The following MCPH1 variants were observed in gnomAD, a reference collection of about 807,000 sequenced individuals.
The protein encoded by MCPH1 is microcephalin.
A neutral mutation model predicts 84.5 loss-of-function variants in MCPH1; 104 were observed. The ratio of observed to expected loss-of-function variants is 1.23; its 90% CI spans 1.05 to 1.45. The LOEUF is 1.45. MCPH1 is among the 40% of genes most tolerant of loss of function. MCPH1 has a pLI of 0.00. For missense variants in MCPH1, 1,498 were observed against 1,005.7 expected (o/e 1.49, Z -6.62); for synonymous variants, 514 against 366.8 (o/e 1.40, Z -4.58).
At chr8:6,521,013 C>T (rs892874398) in intron 12 of MCPH1, among the ~76,000 whole-genome samples, 2 of 152,136 alleles carry the variant, frequency 1.3e-5, no homozygotes, top group Admixed American at 1.3e-4. Context: ...ATTAGTATAA[C>T]ATATATTTCC....
chr8:6,444,560 TTCAC>T lies in MCPH1; in HGVS notation c.843_846del (p.His282SerfsTer10), dbSNP rs758936956. On this transcript the variant is annotated frameshift_variant, in exon 8 of 14. Coordinates refer to ENST00000344683, the MANE Select transcript of MCPH1 (RefSeq NM_024596.5). LOFTEE classifies it high-confidence loss of function. ...AAATAATATTCATTCATCACCATCT[TTCAC>T]TCACCTCGATAAATCAAGTCCTCAG... is the stretch of plus-strand genomic sequence containing the variant. The T allele has an allele frequency of 2.6e-5, 42 of 1,614,054 alleles. No homozygotes were observed. Among genetic ancestry groups the T allele is most frequent in the Admixed American group, 1.7e-5 (1 of 60,008 alleles).
chr8:6,580,484 G>A (rs953398584), intron 12 of MCPH1, among the ~76,000 whole-genome samples: 12 of 152,014 alleles, frequency 7.9e-5, no homozygotes, highest in African/African-American at 2.7e-4. Context: ...GTGAAACCCC[G>A]TCTCTACTAA....
chr8:6,572,760 C>G (rs940060403), intron 12 of MCPH1, among the ~76,000 whole-genome samples: 3 of 152,186 alleles, frequency 2.0e-5, no homozygotes, highest in Non-Finnish European at 4.4e-5. Context: ...CCTGTTCACC[C>G]CAAGCTTACA....
chr8:6,406,911 C>G lies in MCPH1; in HGVS notation c.22+222C>G, dbSNP rs1384018052. On this transcript the variant is annotated intron_variant, in intron 1 of 13. Transcript: ENST00000344683. ...CCGCTGCCTGTCCCCCCAAAACCCCCGGCTGCCTGCTTCGTCTCCCGTGCT... is the reference window on the plus strand; with the variant it reads ...CCGCTGCCTGTCCCCCCAAAACCCCGGGCTGCCTGCTTCGTCTCCCGTGCT... Among the ~76,000 whole-genome samples, 4 of 111,118 alleles carry G rather than the reference C, an allele frequency of 3.6e-5. No individual in the cohort carries two copies. The East Asian group carries it at 1.2e-3, about 33-fold the overall frequency. The allele number at this position is 111,118 out of a possible 152,430, so 72.9% of individuals were successfully genotyped here. A position where few individuals can be genotyped will look rare whatever the true frequency, so the allele number is the denominator to read the frequency against.
chr8:6,544,628 G>A (rs1421538799), intron 12 of MCPH1, among the ~76,000 whole-genome samples: 1 of 152,046 alleles, frequency 6.6e-6, no homozygotes, highest in East Asian at 1.9e-4. Flanking sequence ...TGCACAACTT[G>A]GCCATGAAAT....
chr8:6,585,478 G>A (rs1364740568), intron 12 of MCPH1, among the ~76,000 whole-genome samples: 1 of 152,254 alleles, frequency 6.6e-6, no homozygotes, highest in Non-Finnish European at 1.5e-5. Flanking sequence ...TGCAGCTGGA[G>A]CCATTGTCGG....
intron 12 of MCPH1, among the ~76,000 whole-genome samples, chr8:6,518,477 C>G (rs887181597): frequency 6.6e-6 from 1 of 152,130 alleles, no homozygotes; most frequent in African/African-American, 2.4e-5. Context: ...TTTAACACAG[C>G]ATTAATGAAT....
chr8:6,626,130 T>G, intron 13 of MCPH1: 1 of 985,390 alleles, frequency 1.0e-6, no homozygotes, highest in Non-Finnish European at 1.2e-6. Context: ...GTGATTATTT[T>G]ACTTGTAAGA....
intron 12 of MCPH1, among the ~76,000 whole-genome samples, chr8:6,553,361 A>G (rs879445398): frequency 3.3e-5 from 5 of 152,262 alleles, no homozygotes; most frequent in Non-Finnish European, 7.3e-5. Context: ...AGATTGCACC[A>G]GTAAACCTAG....
intron 12 of MCPH1, among the ~76,000 whole-genome samples, chr8:6,593,554 A>G (rs1828685774): frequency 6.6e-6 from 1 of 151,962 alleles, no homozygotes; most frequent in African/African-American, 2.4e-5. Context: ...GCATTTAATT[A>G]TGTTGTCCAG....
At chr8:6,554,570 T>C (rs1033548275) in intron 12 of MCPH1, among the ~76,000 whole-genome samples, 72 of 152,220 alleles carry the variant, frequency 4.7e-4, no homozygotes, top group African/African-American at 1.7e-3. Flanking sequence ...AATGTATATT[T>C]TTAATTTGGT....
intron 12 of MCPH1, among the ~76,000 whole-genome samples, chr8:6,612,808 G>C (rs932259236): frequency 6.6e-6 from 1 of 152,236 alleles, no homozygotes; most frequent in Non-Finnish European, 1.5e-5. Flanking sequence ...TGTGAACCCC[G>C]CAATTTCGTG....
At position 6,571,027 on chromosome 8, in the gene MCPH1, G is replaced by C. The variant is rs548871840; in HGVS notation, c.2215-50427G>C. On this transcript the variant is annotated intron_variant, in intron 12 of 13. Transcript: ENST00000344683. The stretch of plus-strand genomic sequence containing the variant: ...TTTTTAAGAAAAAAAAATTCCTTGA[G>C]TTTTTAGAAATAGTTTATATAACTG... 1.4e-3 allele frequency among the ~76,000 whole-genome samples: 217 copies of C among 151,950 alleles called. 1 individual carries two copies. Among genetic ancestry groups the C allele is most frequent in the African/African-American group, 5.1e-3 (211 of 41,472 alleles).
chr8:6,615,874 C>A (rs1830738203), intron 12 of MCPH1: 2 of 152,080 alleles, frequency 1.3e-5, no homozygotes, highest in African/African-American at 4.8e-5. Context: ...TTTAGAGAAC[C>A]CCTGAGTGCT....
At chr8:6,484,498 C>T (rs772053710) in intron 11 of MCPH1, among the ~76,000 whole-genome samples, 8 of 152,250 alleles carry the variant, frequency 5.3e-5, no homozygotes, top group Non-Finnish European at 1.2e-4. Flanking sequence ...GCTAAATGTC[C>T]ACTCAGCAGT....
At chr8:6,478,795 C>T (rs544475802) in intron 10 of MCPH1, among the ~76,000 whole-genome samples, 29 of 151,942 alleles carry the variant, frequency 1.9e-4, no homozygotes, top group Non-Finnish European at 3.5e-4. Flanking sequence ...AATTATTTTT[C>T]TTGACTCAAG....
intron 12 of MCPH1, among the ~76,000 whole-genome samples, chr8:6,522,341 C>T (rs541717849): frequency 5.3e-5 from 8 of 150,936 alleles, no homozygotes; most frequent in Admixed American, 1.3e-4. Context: ...GGCGACAGAG[C>T]GAGACTCCGT....
chr8:6,423,229 G>A (rs193103602), intron 3 of MCPH1, among the ~76,000 whole-genome samples: 3 of 123,440 alleles, frequency 2.4e-5, no homozygotes, highest in South Asian at 2.5e-4. Flanking sequence ...TCGCTCTGTC[G>A]CCCAGGCTGG....
At chr8:6,520,642 T>G (rs1043454238) in intron 12 of MCPH1, among the ~76,000 whole-genome samples, 1 of 152,182 alleles carries the variant, frequency 6.6e-6, no homozygotes, top group Non-Finnish European at 1.5e-5. Flanking sequence ...GTGATCTGCC[T>G]GCCTCAGCCT....
Sources: gnomAD v4.1 joint callset for allele counts (sites outside exome capture counted in the v4.1 genomes callset) on GRCh38, gnomAD v4.1.1 for gene constraint, MANE v1.5 for transcripts, NCBI Gene and HGNC (gene_info 2026-07-23, HGNC 2026-07-21) for gene names.